NEDD4L: variants seen among roughly 807,000 people sequenced by gnomAD.
NEDD4L encodes NEDD4 like E3 ubiquitin protein ligase.
A neutral mutation model predicts 148.9 loss-of-function variants in NEDD4L; 54 were observed. The ratio of observed to expected loss-of-function variants is 0.36; its 90% CI spans 0.29 to 0.45. The LOEUF is 0.45. NEDD4L is among the 20% of genes least tolerant of loss of function. NEDD4L has a pLI of 1.00. For synonymous variants in NEDD4L, 433 were observed against 440.7 expected, an observed-to-expected ratio of 0.98 and a Z score of 0.22; for missense variants, 856 against 1,233.8, an observed-to-expected ratio of 0.69 and a Z score of 4.59.
At chr18:58,244,330 TC>T (rs1213872375) in intron 2 of NEDD4L, among the ~76,000 whole-genome samples, 2 of 152,182 alleles carry the variant, frequency 1.3e-5, no homozygotes, top group Non-Finnish European at 2.9e-5. Context: ...ATTTTCAGGA[TC>T]TCAAGTATGA....
Position 58,400,681 on chromosome 18 carries a change from C to A in NEDD4L, c.*4412C>A, listed in dbSNP as rs1444405905. 3 of 152,180 alleles carry A rather than the reference C, an allele frequency of 2.0e-5. No homozygotes were observed. Among genetic ancestry groups the A allele is most frequent in the Non-Finnish European group, 4.4e-5 (3 of 68,046 alleles). The allele number at this position is 152,180 out of a possible 1,614,324, so 9.4% of individuals were successfully genotyped here. The stretch of plus-strand genomic sequence containing the variant: ...TTTCTGTGTGTAAGGAGTAGCATTG[C>A]TGTTGGCGCCTAACCTCGCGTGCAC... On this transcript the variant is annotated 3_prime_UTR_variant, in exon 31 of 31. Coordinates refer to ENST00000400345, the MANE Select transcript of NEDD4L (RefSeq NM_001144967.3).
At chr18:58,076,520 A>ACATT (rs1359836513) in intron 1 of NEDD4L, among the ~76,000 whole-genome samples, 1 of 152,218 alleles carries the variant, frequency 6.6e-6, no homozygotes, top group Non-Finnish European at 1.5e-5. Flanking sequence ...TGGTAGCAGG[A>ACATT]CCACGTTGGG....
chr18:58,397,213 T>C lies in NEDD4L; in HGVS notation c.*944T>C, dbSNP rs2050551539. On this transcript the variant is annotated 3_prime_UTR_variant, in exon 31 of 31. Transcript: ENST00000400345. Reference sequence around the variant, plus strand: ...TGAATGAAACTTGGCACTGCTTGATTCAAAACTGTGGAAACCAGATCTGTT... The same window carrying C: ...TGAATGAAACTTGGCACTGCTTGATCCAAAACTGTGGAAACCAGATCTGTT... 1 of 152,654 alleles carries C rather than the reference T, an allele frequency of 6.6e-6. No homozygotes were observed. Among genetic ancestry groups the C allele is most frequent in the Non-Finnish European group, 1.5e-5 (1 of 68,040 alleles). The allele number at this position is 152,654 out of a possible 1,614,324, so 9.5% of individuals were successfully genotyped here.
chr18:58,103,828 C>T (rs1358384133), intron 1 of NEDD4L, among the ~76,000 whole-genome samples: 1 of 152,198 alleles, frequency 6.6e-6, no homozygotes, highest in East Asian at 1.9e-4. Context: ...GAGGAGAATG[C>T]AGGTTTACCA....
intron 2 of NEDD4L, among the ~76,000 whole-genome samples, chr18:58,198,336 T>C (rs934072694): frequency 2.0e-5 from 3 of 152,220 alleles, no homozygotes; most frequent in African/African-American, 7.2e-5. Context: ...TATTCCTTGC[T>C]ACCTCCAATC....
At chr18:58,190,366 A>G (rs944225928) in intron 2 of NEDD4L, among the ~76,000 whole-genome samples, 2 of 152,234 alleles carry the variant, frequency 1.3e-5, no homozygotes, top group Admixed American at 1.3e-4. Context: ...ATAATGGTAT[A>G]TCTTTATAAT....
intron 19 of NEDD4L, among the ~76,000 whole-genome samples, chr18:58,360,279 C>T (rs1211289787): frequency 1.3e-5 from 2 of 152,194 alleles, no homozygotes; most frequent in East Asian, 1.9e-4. Context: ...TATTTCTTAA[C>T]ATACTGCATT....
rs147418615 is a variant in NEDD4L at position 58,297,147 on chromosome 18, C to G, written c.298-18835C>G. On this transcript the variant is annotated intron_variant, in intron 5 of 30. Coordinates refer to ENST00000400345, the MANE Select transcript of NEDD4L (RefSeq NM_001144967.3). ...TTGTGACTGCATTTAGGGCCCAGAACAATCCCCCATCTGAGGACCTTTCAT... is the reference window on the plus strand; with the variant it reads ...TTGTGACTGCATTTAGGGCCCAGAAGAATCCCCCATCTGAGGACCTTTCAT... 7.4e-3 allele frequency among the ~76,000 whole-genome samples: 1,127 copies of G among 152,280 alleles called. 17 individuals are homozygous for G. Among genetic ancestry groups the G allele is most frequent in the African/African-American group, 0.026 (1,074 of 41,562 alleles).
chr18:58,151,657 G>GTT (rs1203163913), intron 1 of NEDD4L, among the ~76,000 whole-genome samples: 1 of 151,876 alleles, frequency 6.6e-6, no homozygotes, highest in Non-Finnish European at 1.5e-5. Flanking sequence ...GTGTGTGTGT[G>GTT]TTGGCTGGAG....
intron 5 of NEDD4L, among the ~76,000 whole-genome samples, chr18:58,295,757 C>T (rs2055466671): frequency 6.6e-6 from 1 of 152,058 alleles, no homozygotes. Flanking sequence ...TAAGCAGATG[C>T]ACAACCACCC....
At chr18:58,184,034 TG>T (rs1440392776) in intron 2 of NEDD4L, among the ~76,000 whole-genome samples, 1 of 152,108 alleles carries the variant, frequency 6.6e-6, no homozygotes, top group Non-Finnish European at 1.5e-5. Context: ...CCAGGCGTGG[TG>T]GCGGGTGCCT....
intron 1 of NEDD4L, among the ~76,000 whole-genome samples, chr18:58,063,434 A>G (rs1599010056): frequency 6.6e-6 from 1 of 152,046 alleles, no homozygotes; most frequent in Non-Finnish European, 1.5e-5. Context: ...TGTTTTGTCT[A>G]TTATACTATT....
chr18:58,168,057 G>T (rs914462141), intron 2 of NEDD4L, among the ~76,000 whole-genome samples: 2 of 152,190 alleles, frequency 1.3e-5, no homozygotes, highest in Non-Finnish European at 2.9e-5. Flanking sequence ...ATAATAACAG[G>T]CAGGGTCATT....
At chr18:58,337,041 A>G (rs2041865436) in intron 13 of NEDD4L, among the ~76,000 whole-genome samples, 2 of 152,102 alleles carry the variant, frequency 1.3e-5, no homozygotes, top group South Asian at 4.2e-4. Flanking sequence ...TGATGTAGTA[A>G]ATGAAGTAGG....
In NEDD4L at chr18:58,175,400, T is replaced by A. The variant is rs578104909; in HGVS notation, c.122+9539T>A. ...AGGTACAGGCCGGCATTTGGACTTG[T>A]CCTCTGCACTGTTTCTTTGTTAGCA... On this transcript the variant is annotated intron_variant, in intron 2 of 30. Coordinates refer to ENST00000400345, the MANE Select transcript of NEDD4L (RefSeq NM_001144967.3). 2.6e-5 allele frequency among the ~76,000 whole-genome samples: 4 copies of A among 152,382 alleles called. No individual in the cohort carries two copies. In the South Asian group the frequency reaches 6.2e-4, roughly 24 times the overall value.
At chr18:58,160,852 A>C (rs2036110294) in intron 1 of NEDD4L, among the ~76,000 whole-genome samples, 1 of 152,188 alleles carries the variant, frequency 6.6e-6, no homozygotes, top group African/African-American at 2.4e-5. Flanking sequence ...GAGAGGAGTA[A>C]AATTTCCTGC....
At chr18:58,350,357 G>C (rs2043721591) in intron 17 of NEDD4L, among the ~76,000 whole-genome samples, 1 of 152,198 alleles carries the variant, frequency 6.6e-6, no homozygotes, top group South Asian at 2.1e-4. Flanking sequence ...CACCAAATCT[G>C]TTTGGTTCCT....
chr18:58,230,030 G>C (rs569145737), intron 2 of NEDD4L, among the ~76,000 whole-genome samples: 1 of 152,142 alleles, frequency 6.6e-6, no homozygotes, highest in Non-Finnish European at 1.5e-5. Context: ...AGCTTTTTCA[G>C]GTTGGAAAAA....
At chr18:58,206,813 T>C (rs1207847909) in intron 2 of NEDD4L, among the ~76,000 whole-genome samples, 4 of 152,136 alleles carry the variant, frequency 2.6e-5, no homozygotes, top group Non-Finnish European at 5.9e-5. Context: ...CTTGACCTCA[T>C]TGGGCAAATA....
Sources: gnomAD v4.1 joint callset for allele counts (sites outside exome capture counted in the v4.1 genomes callset) on GRCh38, gnomAD v4.1.1 for gene constraint, MANE v1.5 for transcripts, NCBI Gene and HGNC (gene_info 2026-07-23, HGNC 2026-07-21) for gene names.